CATSPERT: variants seen among roughly 807,000 people sequenced by gnomAD.
The protein encoded by CATSPERT is catsper channel auxiliary subunit tau.
chr2:201,594,374 G>A, the CATSPERT span, among the ~76,000 whole-genome samples: 2 of 152,278 alleles, frequency 1.3e-5, no homozygotes, highest in East Asian at 1.9e-4. Flanking sequence ...GCTTCCCTTT[G>A]AGGGTAACCC....
chr2:201,603,283 A>G, the CATSPERT span: 7 of 1,608,940 alleles, frequency 4.4e-6, no homozygotes, highest in Non-Finnish European at 5.1e-6. Flanking sequence ...AACCTACAAC[A>G]ATCAAAACAA....
chr2:201,506,160 G>A, the CATSPERT span, among the ~76,000 whole-genome samples: 12 of 152,200 alleles, frequency 7.9e-5, no homozygotes, highest in African/African-American at 2.4e-4. Context: ...CCAGCTACTC[G>A]GGAGGCTGAG....
At chr2:201,492,417 A>C in the CATSPERT span, 1 of 1,532,650 alleles carries the variant, frequency 6.5e-7, no homozygotes, top group Admixed American at 2.0e-5. Context: ...TTTCTGATAA[A>C]GCTATCAGAT....
chr2:201,524,613 C>T, the CATSPERT span, among the ~76,000 whole-genome samples: 3 of 152,162 alleles, frequency 2.0e-5, no homozygotes, highest in Admixed American at 6.5e-5. Context: ...ATCAAATCCA[C>T]ATAAATCAAT....
At chr2:201,552,261 C>T in the CATSPERT span, among the ~76,000 whole-genome samples, 1 of 152,198 alleles carries the variant, frequency 6.6e-6, no homozygotes, top group African/African-American at 2.4e-5. Context: ...AGGTGTGAGC[C>T]ACTGCGCCCA....
At chr2:201,585,245 G>T in the CATSPERT span, among the ~76,000 whole-genome samples, 2 of 151,944 alleles carry the variant, frequency 1.3e-5, no homozygotes, top group East Asian at 1.9e-4. Context: ...GGGGTGGGGG[G>T]ATAAGGGAGG....
chr2:201,562,930 C>G, the CATSPERT span, among the ~76,000 whole-genome samples: 1 of 148,626 alleles, frequency 6.7e-6, no homozygotes, highest in African/African-American at 2.5e-5. Context: ...TACACAGACA[C>G]CGCAACCATC....
chr2:201,511,453 C>G, the CATSPERT span, among the ~76,000 whole-genome samples: 1 of 152,146 alleles, frequency 6.6e-6, no homozygotes, highest in Non-Finnish European at 1.5e-5. Flanking sequence ...ATGGAAGAAT[C>G]TGGATTTAAA....
chr2:201,580,217 T>C, the CATSPERT span, among the ~76,000 whole-genome samples: 5 of 152,252 alleles, frequency 3.3e-5, no homozygotes, highest in Non-Finnish European at 7.3e-5. Flanking sequence ...CTACAGGAAG[T>C]ACATGATGTT....
At chr2:201,517,171 C>A in the CATSPERT span, among the ~76,000 whole-genome samples, 1 of 152,086 alleles carries the variant, frequency 6.6e-6, no homozygotes, top group African/African-American at 2.4e-5. Flanking sequence ...CTGAGGTCAT[C>A]CCCTTCTTCC....
At chr2:201,541,472 A>G in the CATSPERT span, among the ~76,000 whole-genome samples, 1 of 148,906 alleles carries the variant, frequency 6.7e-6, no homozygotes, top group Admixed American at 6.7e-5. Context: ...AGCCATTAAG[A>G]TCAAGGCAAG....
At chr2:201,527,011 C>T in the CATSPERT span, among the ~76,000 whole-genome samples, 1 of 152,174 alleles carries the variant, frequency 6.6e-6, no homozygotes, top group Non-Finnish European at 1.5e-5. Context: ...CTACAAAACC[C>T]CATAGTCTCT....
the CATSPERT span, among the ~76,000 whole-genome samples, chr2:201,527,084 T>C: frequency 2.0e-5 from 3 of 152,114 alleles, no homozygotes; most frequent in Non-Finnish European, 4.4e-5. Flanking sequence ...AATCAATGTA[T>C]AAAAATCATT....
the CATSPERT span, among the ~76,000 whole-genome samples, chr2:201,591,947 T>C: frequency 6.6e-6 from 1 of 152,070 alleles, no homozygotes; most frequent in African/African-American, 2.4e-5. Context: ...ACAATTTGAC[T>C]TCCTCTTTTC....
chr2:201,522,050 A>G, the CATSPERT span, among the ~76,000 whole-genome samples: 1 of 152,206 alleles, frequency 6.6e-6, no homozygotes, highest in South Asian at 2.1e-4. Flanking sequence ...ACAAACCCAC[A>G]GCTAACATCA....
At chr2:201,493,511 T>A in the CATSPERT span, 2,367 of 1,537,060 alleles carry the variant, frequency 1.5e-3, 5 homozygotes, top group Non-Finnish European at 1.3e-3. Flanking sequence ...ATCACTTTGA[T>A]TATCCCAGAT....
At chr2:201,613,662 C>A in the CATSPERT span, among the ~76,000 whole-genome samples, 1 of 152,192 alleles carries the variant, frequency 6.6e-6, no homozygotes, top group Non-Finnish European at 1.5e-5. Flanking sequence ...TACAAAGGAA[C>A]ACAGCTCCTC....
the CATSPERT span, among the ~76,000 whole-genome samples, chr2:201,526,816 T>TG: frequency 6.6e-6 from 1 of 152,156 alleles, no homozygotes; most frequent in African/African-American, 2.4e-5. Flanking sequence ...TCATACTGAA[T>TG]GGGGAAAAGC....
At chr2:201,554,470 G>A in the CATSPERT span, 2 of 152,056 alleles carry the variant, frequency 1.3e-5, no homozygotes. Context: ...ACACAACTAT[G>A]CACTGCTTAC....
Sources: allele counts gnomAD v4.1 joint callset (sites outside exome capture counted in the v4.1 genomes callset), GRCh38; gene constraint gnomAD v4.1.1; transcripts MANE v1.5; gene names NCBI Gene and HGNC (gene_info 2026-07-23, HGNC 2026-07-21).